Variants in GPR39 observed in about 807,000 individuals in gnomAD.
GPR39 encodes the protein zinc sensing receptor.
In GPR39, 23 loss-of-function variants were observed where a neutral mutation model predicts 18.4. The ratio of observed to expected loss-of-function variants is 1.25; its 90% CI spans 0.90 to 1.77. GPR39 has a LOEUF of 1.77. Ranked by LOEUF, GPR39 falls within the 40% of genes most tolerant of loss-of-function variation. The probability of loss-of-function intolerance (pLI) is 0.00; values close to 1 mark genes in which losing one functional copy is unlikely to be tolerated. For missense variants in GPR39, 647 were observed against 602.4 expected (o/e 1.07, Z -0.78); for synonymous variants, 280 against 257.9 (o/e 1.09, Z -0.82).
chr2:132,513,462 C>CA (rs35917253), intron 1 of GPR39, among the ~76,000 whole-genome samples: 5,275 of 149,438 alleles, frequency 0.035, 211 homozygotes, highest in African/African-American at 0.097. Flanking sequence ...GACTCTGTCT[C>CA]AAAAAAAAAG....
chr2:132,442,672 C>T (rs530545512), intron 1 of GPR39, among the ~76,000 whole-genome samples: 15 of 152,280 alleles, frequency 9.9e-5, no homozygotes, highest in South Asian at 4.2e-4. Flanking sequence ...ATTACCTTGT[C>T]GGAGGCTTCC....
chr2:132,473,854 G>A (rs1323947854), intron 1 of GPR39, among the ~76,000 whole-genome samples: 1 of 152,148 alleles, frequency 6.6e-6, no homozygotes, highest in Non-Finnish European at 1.5e-5. Flanking sequence ...AATTTATCCA[G>A]GCAGAAAAGA....
chr2:132,611,397 C>T (rs566338957), intron 1 of GPR39, among the ~76,000 whole-genome samples: 9 of 152,274 alleles, frequency 5.9e-5, no homozygotes, highest in South Asian at 2.1e-4. Flanking sequence ...TTCTCACTGC[C>T]GTCCTTTAGA....
intron 1 of GPR39, among the ~76,000 whole-genome samples, chr2:132,492,982 A>G (rs1681527898): frequency 6.9e-6 from 1 of 144,498 alleles, no homozygotes; most frequent in African/African-American, 2.5e-5. Flanking sequence ...TATACACCAT[A>G]TATACACCAT....
At chr2:132,458,725 T>C (rs1680780603) in intron 1 of GPR39, among the ~76,000 whole-genome samples, 1 of 152,282 alleles carries the variant, frequency 6.6e-6, no homozygotes, top group African/African-American at 2.4e-5. Context: ...TGTAGGAAAT[T>C]TGTGTAGGGA....
chr2:132,515,204 C>G (rs779223584), intron 1 of GPR39, among the ~76,000 whole-genome samples: 13 of 152,212 alleles, frequency 8.5e-5, no homozygotes, highest in Admixed American at 3.9e-4. Flanking sequence ...CACCACATCT[C>G]TAAGGCCCCT....
chr2:132,520,512 C>G (rs1050760706), intron 1 of GPR39, among the ~76,000 whole-genome samples: 5 of 152,182 alleles, frequency 3.3e-5, no homozygotes, highest in African/African-American at 2.4e-5. Flanking sequence ...TCTCATTCAG[C>G]TCCTGAGATC....
At chr2:132,567,422 G>A (rs1201054936) in intron 1 of GPR39, among the ~76,000 whole-genome samples, 1 of 152,162 alleles carries the variant, frequency 6.6e-6, no homozygotes, top group Non-Finnish European at 1.5e-5. Flanking sequence ...GGTTATCACT[G>A]GAGTGGGTTA....
In GPR39 at chr2:132,645,619, G is replaced by A. The variant is rs1573719620; in HGVS notation, c.*13G>A. The A allele has an allele frequency of 6.2e-7, 1 of 1,602,450 alleles. No homozygotes were observed. The highest frequency in any genetic ancestry group is 8.5e-7 in the Non-Finnish European group (1 of 1,174,068). On this transcript the variant is annotated 3_prime_UTR_variant, in exon 2 of 2. Transcript: ENST00000329321. ...GCATGAAGTTTGAATGTCAAGCGAG[G>A]GAGCCTTGAGTGGGAACTGGCCCTC... is the stretch of plus-strand genomic sequence containing the variant.
chr2:132,451,733 T>G (rs1323653930), intron 1 of GPR39, among the ~76,000 whole-genome samples: 1 of 152,214 alleles, frequency 6.6e-6, no homozygotes, highest in Non-Finnish European at 1.5e-5. Context: ...AATGATATCT[T>G]TTGACTTCTT....
At chr2:132,451,792 A>G (rs974374315) in intron 1 of GPR39, among the ~76,000 whole-genome samples, 15 of 152,030 alleles carry the variant, frequency 9.9e-5, no homozygotes, top group African/African-American at 3.4e-4. Flanking sequence ...TCTGTTAGTT[A>G]TATTAGATCT....
intron 1 of GPR39, among the ~76,000 whole-genome samples, chr2:132,607,383 A>C (rs575687286): frequency 5.3e-5 from 8 of 152,316 alleles, no homozygotes; most frequent in Admixed American, 2.6e-4. Context: ...TTCTTCCCTT[A>C]AGGAGTATGA....
intron 1 of GPR39, among the ~76,000 whole-genome samples, chr2:132,422,879 T>G (rs1680040942): frequency 6.6e-6 from 1 of 151,996 alleles, no homozygotes; most frequent in Admixed American, 6.5e-5. Context: ...TCCCCATTTA[T>G]TAGCAAGCCT....
At chr2:132,517,380 A>G (rs1679352991) in intron 1 of GPR39, among the ~76,000 whole-genome samples, 2 of 152,116 alleles carry the variant, frequency 1.3e-5, no homozygotes, top group South Asian at 2.1e-4. Context: ...GCCTGGAAAT[A>G]TATTACTCTT....
At chr2:132,572,412 C>T (rs745954895) in intron 1 of GPR39, among the ~76,000 whole-genome samples, 2 of 152,050 alleles carry the variant, frequency 1.3e-5, no homozygotes, top group Non-Finnish European at 2.9e-5. Flanking sequence ...GCTTGATGGG[C>T]TCCTCCTTTG....
chr2:132,463,903 C>CT (rs1340998792), intron 1 of GPR39, among the ~76,000 whole-genome samples: 20 of 152,290 alleles, frequency 1.3e-4, no homozygotes, highest in Middle Eastern at 3.4e-3. Context: ...AGGCTGCAGG[C>CT]TTGGACATTT....
chr2:132,423,427 C>G (rs1345235383), intron 1 of GPR39, among the ~76,000 whole-genome samples: 1 of 152,202 alleles, frequency 6.6e-6, no homozygotes, highest in African/African-American at 2.4e-5. Context: ...CACACCGGGG[C>G]TTAGGCCTTC....
At chr2:132,609,773 G>C (rs909914573) in intron 1 of GPR39, among the ~76,000 whole-genome samples, 1 of 152,114 alleles carries the variant, frequency 6.6e-6, no homozygotes, top group Admixed American at 6.5e-5. Context: ...ACAAATCTGG[G>C]TCCCAGTCTT....
At position 132,646,071 on chromosome 2, in the gene GPR39, A is replaced by G. The variant is rs1177597365; in HGVS notation, c.*465A>G. On this transcript the variant is annotated 3_prime_UTR_variant, in exon 2 of 2. Transcript: ENST00000329321. ...CAGCAGTGTGCCGAGAAGAGGGCTA[A>G]TTTGAGGAACAGGATGGTGGTGCGG... The G allele has an allele frequency of 4.4e-6, 7 of 1,590,276 alleles. No individual in the cohort carries two copies. In the South Asian group the frequency reaches 6.8e-5, roughly 16 times the overall value.
Sources: allele counts gnomAD v4.1 joint callset (sites outside exome capture counted in the v4.1 genomes callset), GRCh38; gene constraint gnomAD v4.1.1; transcripts MANE v1.5; gene names NCBI Gene and HGNC (gene_info 2026-07-23, HGNC 2026-07-21).